Variants in TGFBR3 observed in about 807,000 individuals in gnomAD.
TGFBR3 encodes the protein transforming growth factor beta receptor 3.
TGFBR3 carries 46 observed loss-of-function variants against 87.9 expected under a neutral mutation model. The ratio of observed to expected loss-of-function variants is 0.52; its 90% CI spans 0.41 to 0.67. TGFBR3 has a LOEUF of 0.67. Among genes scored for constraint, TGFBR3 ranks in the 30% least tolerant of loss-of-function variants. The probability of loss-of-function intolerance (pLI) is 0.00; values close to 1 mark genes in which losing one functional copy is unlikely to be tolerated. For missense variants in TGFBR3, 866 were observed against 1,041.9 expected (o/e 0.83, Z 2.32); for synonymous variants, 381 against 391.6 (o/e 0.97, Z 0.32).
chr1:91,752,626 G>A (rs1443389482), intron 4 of TGFBR3, among the ~76,000 whole-genome samples: 1 of 152,090 alleles, frequency 6.6e-6, no homozygotes, highest in Non-Finnish European at 1.5e-5. Flanking sequence ...CCAGGCACTA[G>A]GGTCTCATCT....
intron 3 of TGFBR3, among the ~76,000 whole-genome samples, chr1:91,789,832 C>T (rs1308739158): frequency 6.6e-6 from 1 of 152,144 alleles, no homozygotes; most frequent in Non-Finnish European, 1.5e-5. Flanking sequence ...TGTCCCTAAC[C>T]CTGCTCCCCT....
chr1:91,807,403 C>G (rs1675872760), intron 2 of TGFBR3, among the ~76,000 whole-genome samples: 1 of 152,228 alleles, frequency 6.6e-6, no homozygotes, highest in African/African-American at 2.4e-5. Flanking sequence ...AAACCTTCCT[C>G]CTAACAAACT....
At chr1:91,700,774 T>C (rs1671593151) in intron 14 of TGFBR3, among the ~76,000 whole-genome samples, 1 of 152,204 alleles carries the variant, frequency 6.6e-6, no homozygotes, top group Non-Finnish European at 1.5e-5. Context: ...TTTGTACATT[T>C]GTATGGTGTT....
intron 1 of TGFBR3, among the ~76,000 whole-genome samples, chr1:91,879,495 A>G (rs2101279791): frequency 6.6e-6 from 1 of 152,262 alleles, no homozygotes; most frequent in South Asian, 2.1e-4. Flanking sequence ...CTTGTTCTAG[A>G]CCTTCCATTT....
At chr1:91,704,970 T>C (rs1671746435) in intron 14 of TGFBR3, among the ~76,000 whole-genome samples, 1 of 152,244 alleles carries the variant, frequency 6.6e-6, no homozygotes, top group African/African-American at 2.4e-5. Flanking sequence ...CTTTATCTGC[T>C]GTCCCAGAAA....
chr1:91,745,606 T>G lies in TGFBR3; in HGVS notation c.385-10647A>C, dbSNP rs114833945. Among the ~76,000 whole-genome samples the G allele has an allele frequency of 8.3e-3, 1,259 of 152,334 alleles. 24 individuals are homozygous for G. The highest frequency in any genetic ancestry group is 0.029 in the African/African-American group (1,188 of 41,576). On this transcript the variant is annotated intron_variant, in intron 4 of 16. Transcript: ENST00000212355. Reference sequence around the variant, plus strand: ...CATACTGGAACAGCACTGAAATATTTACCTTCCAAATGAAGACTGAACCCT... The same window carrying G: ...CATACTGGAACAGCACTGAAATATTGACCTTCCAAATGAAGACTGAACCCT...
intron 2 of TGFBR3, among the ~76,000 whole-genome samples, chr1:91,898,243 C>T (rs935129670): frequency 1.3e-5 from 2 of 152,038 alleles, no homozygotes; most frequent in African/African-American, 4.8e-5. Flanking sequence ...CCCTTTCTTC[C>T]GCATATGTGT....
chr1:91,724,661 G>C (rs999736431), intron 7 of TGFBR3, among the ~76,000 whole-genome samples: 1 of 152,206 alleles, frequency 6.6e-6, no homozygotes, highest in African/African-American at 2.4e-5. Context: ...TGGCAGACAA[G>C]TTGGTTCCCA....
intron 3 of TGFBR3, among the ~76,000 whole-genome samples, chr1:91,769,498 T>C (rs1475949378): frequency 6.6e-6 from 1 of 152,082 alleles, no homozygotes; most frequent in Non-Finnish European, 1.5e-5. Context: ...CCCCACTTCC[T>C]GAGTCACGCT....
In TGFBR3 at chr1:91,684,943, C is replaced by T. The variant is rs17885541; in HGVS notation, c.2438-1086G>A. On this transcript the variant is annotated intron_variant, in intron 16 of 16. Transcript: ENST00000212355. Reference sequence around the variant, plus strand: ...CTGTCATGCTGAAATACACATCTATCAGCCGGAGATAAGCAACCCTTCCAG... The same window carrying T: ...CTGTCATGCTGAAATACACATCTATTAGCCGGAGATAAGCAACCCTTCCAG... 6.9e-3 allele frequency among the ~76,000 whole-genome samples: 1,046 copies of T among 152,296 alleles called. 13 individuals are homozygous for T. Among genetic ancestry groups the T allele is most frequent in the African/African-American group, 0.024 (985 of 41,550 alleles).
chr1:91,797,271 T>G lies in TGFBR3; in HGVS notation c.246+16A>C, dbSNP rs749130966. 1 of 1,613,774 alleles carries G rather than the reference T, an allele frequency of 6.2e-7. No homozygotes were observed. Among genetic ancestry groups the G allele is most frequent in the Non-Finnish European group, 8.5e-7 (1 of 1,179,918 alleles). ...GACTCAGTGGCAGTGGGCTGAGAGC[T>G]GACACCTGCACCTACCTCTCTCTGT... On this transcript the variant is annotated intron_variant, in intron 3 of 16. Transcript: ENST00000212355.
chr1:91,804,236 A>G (rs1202283928), intron 2 of TGFBR3, among the ~76,000 whole-genome samples: 1 of 152,102 alleles, frequency 6.6e-6, no homozygotes, highest in African/African-American at 2.4e-5. Context: ...GGTTGCTAAG[A>G]ATCAAGTCCC....
Position 91,865,768 on chromosome 1 carries a change from C to T in TGFBR3, c.-113-4124G>A, listed in dbSNP as rs571087425. The stretch of plus-strand genomic sequence containing the variant: ...TCTACTTAAAATACAAAAAATTAGC[C>T]GGGCGCGGTGGCAGGCACCTGTAGT... On this transcript the variant is annotated intron_variant, in intron 1 of 16. Transcript: ENST00000212355. Among the ~76,000 whole-genome samples the T allele has an allele frequency of 2.0e-5, 3 of 152,020 alleles. No individual in the cohort carries two copies. The East Asian group carries it at 5.8e-4, about 30-fold the overall frequency.
intron 2 of TGFBR3, among the ~76,000 whole-genome samples, chr1:91,893,688 G>GTT (rs149619572): frequency 6.8e-5 from 10 of 147,670 alleles, no homozygotes; most frequent in Admixed American, 1.4e-4. Flanking sequence ...CTTTTATCCT[G>GTT]TTTTTTTTTT....
intron 3 of TGFBR3, among the ~76,000 whole-genome samples, chr1:91,762,656 A>G (rs1674013263): frequency 6.6e-6 from 1 of 152,210 alleles, no homozygotes; most frequent in African/African-American, 2.4e-5. Flanking sequence ...AGAAAATGCA[A>G]GCAAATCTGA....
chr1:91,727,023 G>GC (rs1372881904), intron 7 of TGFBR3, among the ~76,000 whole-genome samples: 1 of 152,186 alleles, frequency 6.6e-6, no homozygotes, highest in Non-Finnish European at 1.5e-5. Flanking sequence ...TAAGCCTTGT[G>GC]CGTACATCTC....
intron 3 of TGFBR3, among the ~76,000 whole-genome samples, chr1:91,775,011 T>C (rs939556926): frequency 6.6e-6 from 1 of 152,086 alleles, no homozygotes; most frequent in Non-Finnish European, 1.5e-5. Context: ...AAATGTTTGT[T>C]ATAGATAAGG....
intron 1 of TGFBR3, among the ~76,000 whole-genome samples, chr1:91,881,686 A>G (rs1426529691): frequency 3.3e-5 from 5 of 152,228 alleles, no homozygotes; most frequent in Non-Finnish European, 7.3e-5. Flanking sequence ...TTTGAAAGTT[A>G]TTTTAAAATA....
rs766091481 is a variant in TGFBR3 at position 91,734,867 on chromosome 1, A to G, written c.477T>C (p.His159=). Residue 159 remains histidine (H), a synonymous_variant, in exon 5 of 17, where the codon CAT becomes CAC. Transcript: ENST00000212355. ...ACTCTTTTCGGGCCCAATTTAACAG[A>G]TGTTCATTTCCATGGGGGAAGTTCC... is the stretch of plus-strand genomic sequence containing the variant. The part of the protein sequence containing the change: ...EERNFPHGNE[H]LLNWARKEYG... 6.2e-6 allele frequency: 10 copies of G among 1,614,074 alleles called. No individual in the cohort carries two copies. Among genetic ancestry groups the G allele is most frequent in the Non-Finnish European group, 8.5e-6 (10 of 1,180,020 alleles).
Sources: allele counts gnomAD v4.1 joint callset (sites outside exome capture counted in the v4.1 genomes callset), GRCh38; gene constraint gnomAD v4.1.1; transcripts MANE v1.5; gene names NCBI Gene and HGNC (gene_info 2026-07-23, HGNC 2026-07-21).